Variants in GNAL observed in about 807,000 individuals in gnomAD.
GNAL encodes G protein subunit alpha L, also known as guanine nucleotide-binding protein G(olf) subunit alpha.
In GNAL, 18 loss-of-function variants were observed where a neutral mutation model predicts 55.1. That is an observed-to-expected ratio of 0.33 (90% CI 0.23 to 0.48). The LOEUF is 0.48. GNAL is among the 20% of genes least tolerant of loss of function. The pLI is 0.99. For synonymous variants in GNAL, 253 were observed against 237.0 expected (o/e 1.07, Z -0.62); for missense variants, 412 against 614.1 (o/e 0.67, Z 3.48).
Position 11,751,615 on chromosome 18 carries a change from C to T in GNAL, c.377-1238C>T. 2 of 985,514 alleles carry T rather than the reference C, an allele frequency of 2.0e-6. No individual in the cohort carries two copies. The highest frequency in any genetic ancestry group is 2.4e-6 in the Non-Finnish European group (2 of 829,986). 61.0% of individuals were successfully genotyped at this position (985,514 alleles called of 1,614,324 possible). On this transcript the variant is annotated intron_variant, in intron 1 of 11. Coordinates refer to ENST00000334049, the MANE Select transcript of GNAL (RefSeq NM_182978.4). This position sits in a 1 kb window ranked among gnomAD's most constrained non-coding sequence, Gnocchi z 4.5. ...TCCGAGCCAACACGGGGCGCGCGCC[C>T]AGACGCACTTTCCCGGCTCGGGGTG...
chr18:11,864,674 G>T lies in GNAL; in HGVS notation c.851+68G>T. 5 of 861,400 alleles carry T rather than the reference G, an allele frequency of 5.8e-6. No homozygotes were observed. In the South Asian group the frequency reaches 6.6e-5, roughly 11 times the overall value. 53.4% of individuals were successfully genotyped at this position (861,400 alleles called of 1,614,324 possible). On this transcript the variant is annotated intron_variant, in intron 7 of 11. Transcript: ENST00000334049. ...TGTCCCAGAGCCGAAGGGCTGTGAG[G>T]TTTAAGGGGGCTTCATTCCTGAATG...
intron 4 of GNAL, among the ~76,000 whole-genome samples, chr18:11,809,005 C>A (rs1406018271): frequency 6.6e-6 from 1 of 152,198 alleles, no homozygotes; most frequent in Non-Finnish European, 1.5e-5. Context: ...GCCTATAAAT[C>A]CCAGCACTTT....
chr18:11,729,011 C>T (rs1322593319), intron 1 of GNAL, among the ~76,000 whole-genome samples: 1 of 152,072 alleles, frequency 6.6e-6, no homozygotes, highest in Admixed American at 6.6e-5. Context: ...CAAGAAACAT[C>T]AGAGCCATTT....
chr18:11,840,599 G>A (rs893466413), intron 5 of GNAL, among the ~76,000 whole-genome samples: 1 of 152,196 alleles, frequency 6.6e-6, no homozygotes, highest in African/African-American at 2.4e-5. Context: ...CTCTGAGAAA[G>A]CTCTTTATCT....
At chr18:11,808,267 C>T (rs1330138085) in intron 4 of GNAL, among the ~76,000 whole-genome samples, 1 of 152,202 alleles carries the variant, frequency 6.6e-6, no homozygotes, top group Non-Finnish European at 1.5e-5. Context: ...CGTTTTACTG[C>T]TGTCCCTCTT....
rs66803403 is a variant in GNAL, at chr18:11,786,436, C to CTTTTT, written c.624+32517_624+32521dup. Among the ~76,000 whole-genome samples, 204 of 60,690 alleles carry CTTTTT rather than the reference C, an allele frequency of 3.4e-3. 19 individuals are homozygous for CTTTTT. The highest frequency in any genetic ancestry group is 3.7e-3 in the Non-Finnish European group (129 of 35,226). 39.8% of individuals were successfully genotyped at this position (60,690 alleles called of 152,430 possible). On this transcript the variant is annotated intron_variant, in intron 4 of 11. Coordinates refer to ENST00000334049, the MANE Select transcript of GNAL (RefSeq NM_182978.4). ...GGTGGGATAGATCTTCATACGTTTT[C>CTTTTT]TTTTTTTTTTTTTTTTTTTTTTTTT... is the stretch of plus-strand genomic sequence containing the variant.
rs1786564 is a variant in GNAL at position 11,825,213 on chromosome 18, G to C, written c.722+198G>C. On this transcript the variant is annotated intron_variant, in intron 5 of 11. Coordinates refer to ENST00000334049, the MANE Select transcript of GNAL (RefSeq NM_182978.4). The stretch of plus-strand genomic sequence containing the variant: ...ATCCAGTAAGAATCAATGTTTCTGA[G>C]AACCAGAAAGTTTCGTTCATTTTGT... 0.68 allele frequency among the ~76,000 whole-genome samples: 104,008 copies of C among 152,152 alleles called. 37,587 individuals carry two copies. Among genetic ancestry groups the C allele is most frequent in the Admixed American group, 0.81 (12,424 of 15,298 alleles).
At chr18:11,735,333 G>A (rs775527186) in intron 1 of GNAL, among the ~76,000 whole-genome samples, 4 of 152,118 alleles carry the variant, frequency 2.6e-5, no homozygotes, top group African/African-American at 9.7e-5. Context: ...TTACTGGTGT[G>A]AGCCACTGTG....
At chr18:11,695,038 A>T (rs2031366110) in intron 1 of GNAL, among the ~76,000 whole-genome samples, 2 of 152,130 alleles carry the variant, frequency 1.3e-5, no homozygotes, top group Non-Finnish European at 2.9e-5. Context: ...CCTATGTCCA[A>T]ATACAGTCAT....
chr18:11,793,263 G>T (rs1351383347), intron 4 of GNAL, among the ~76,000 whole-genome samples: 1 of 152,172 alleles, frequency 6.6e-6, no homozygotes, highest in Non-Finnish European at 1.5e-5. Flanking sequence ...TCTGATAAGG[G>T]TCTAGTAACC....
intron 4 of GNAL, among the ~76,000 whole-genome samples, chr18:11,796,582 AAAAAAAAAAAAAAC>A (rs2034390069): frequency 2.0e-5 from 3 of 148,424 alleles, no homozygotes; most frequent in African/African-American, 7.6e-5. Context: ...TCACAAAAAA[AAAAAAAAAAAAAAC>A]AAAACACGCA....
At chr18:11,713,830 G>C (rs1233223730) in intron 1 of GNAL, among the ~76,000 whole-genome samples, 22 of 152,152 alleles carry the variant, frequency 1.4e-4, no homozygotes, top group Admixed American at 1.4e-3. Flanking sequence ...ATGTCGTCCA[G>C]AAAAATTGTT....
intron 4 of GNAL, among the ~76,000 whole-genome samples, chr18:11,759,032 G>A (rs1228161574): frequency 6.6e-6 from 1 of 152,118 alleles, no homozygotes; most frequent in Non-Finnish European, 1.5e-5. Context: ...AATTAGCCGG[G>A]CATGGTGGCG....
intron 4 of GNAL, among the ~76,000 whole-genome samples, chr18:11,789,500 A>C (rs936854539): frequency 1.3e-5 from 2 of 152,166 alleles, no homozygotes; most frequent in African/African-American, 4.8e-5. Context: ...CATTTGGGTA[A>C]CTCCATGTGC....
intron 9 of GNAL, among the ~76,000 whole-genome samples, chr18:11,871,623 C>T (rs532563767): frequency 9.1e-4 from 139 of 152,210 alleles, no homozygotes; most frequent in African/African-American, 3.2e-3. Context: ...GTGATGGAGG[C>T]GGAAGAAGAA....
intron 9 of GNAL, among the ~76,000 whole-genome samples, chr18:11,871,542 C>T (rs996318662): frequency 3.3e-5 from 5 of 152,172 alleles, no homozygotes; most frequent in Non-Finnish European, 7.3e-5. Flanking sequence ...AGCCACCACA[C>T]GTGGCCAAAT....
intron 6 of GNAL, among the ~76,000 whole-genome samples, chr18:11,864,122 C>T (rs970677799): frequency 4.2e-5 from 6 of 144,046 alleles, no homozygotes; most frequent in South Asian, 2.1e-4. Context: ...GAGTCTCACT[C>T]GTCACCCAGG....
At chr18:11,841,504 G>GTAGT (rs2035612601) in intron 5 of GNAL, among the ~76,000 whole-genome samples, 1 of 151,892 alleles carries the variant, frequency 6.6e-6, no homozygotes, top group Non-Finnish European at 1.5e-5. Context: ...AAATTAGTCG[G>GTAGT]GCATGGTGAC....
intron 1 of GNAL, among the ~76,000 whole-genome samples, chr18:11,726,478 C>A (rs111770478): frequency 6.6e-6 from 1 of 152,150 alleles, no homozygotes. Flanking sequence ...CGAAGTGGAC[C>A]GCAGAATTCA....
Sources: gnomAD v4.1 joint callset for allele counts (sites outside exome capture counted in the v4.1 genomes callset) on GRCh38, gnomAD v4.1.1 for gene constraint, Gnocchi (gnomAD v3.1) non-coding constraint, MANE v1.5 for transcripts, NCBI Gene and HGNC (gene_info 2026-07-23, HGNC 2026-07-21) for gene names.